The following CNTN4 variants were observed in gnomAD, a reference collection of about 807,000 sequenced individuals.
CNTN4 encodes the protein contactin-4.
Under a neutral mutation model 122.5 loss-of-function variants are expected in CNTN4, and 77 were observed. The observed-to-expected ratio is 0.63, with a 90% CI of 0.52 to 0.76. CNTN4 has a LOEUF of 0.76. CNTN4 is among the 30% of genes least tolerant of loss of function. The pLI, the probability that CNTN4 is intolerant of heterozygous loss-of-function variation, is 0.00. For missense variants in CNTN4, 1,256 were observed against 1,259.1 expected (o/e 1.00, Z 0.04); for synonymous variants, 512 against 447.0 (o/e 1.15, Z -1.83).
At chr3:2,170,079 T>C (rs547876339) in intron 2 of CNTN4, among the ~76,000 whole-genome samples, 164 of 151,908 alleles carry the variant, frequency 1.1e-3, no homozygotes, top group African/African-American at 3.5e-3. Flanking sequence ...CCCAGCACTT[T>C]GGGAGGCCGA....
intron 14 of CNTN4, among the ~76,000 whole-genome samples, chr3:3,015,707 A>G (rs923140603): frequency 5.3e-5 from 8 of 152,176 alleles, no homozygotes; most frequent in Non-Finnish European, 1.2e-4. Flanking sequence ...ATCCTTCCCC[A>G]CATTGCACTG....
chr3:2,515,226 G>A (rs541108262), intron 3 of CNTN4, among the ~76,000 whole-genome samples: 3 of 152,188 alleles, frequency 2.0e-5, no homozygotes, highest in Admixed American at 1.3e-4. Flanking sequence ...AAGTTATGCT[G>A]CATATGTAAG....
chr3:2,497,518 G>A (rs1437026101), intron 3 of CNTN4, among the ~76,000 whole-genome samples: 1 of 152,118 alleles, frequency 6.6e-6, no homozygotes, highest in Non-Finnish European at 1.5e-5. Flanking sequence ...GGCAACCTAG[G>A]GAGACCTAAG....
intron 13 of CNTN4, among the ~76,000 whole-genome samples, chr3:2,977,986 G>A (rs1693586110): frequency 6.6e-6 from 1 of 152,060 alleles, no homozygotes; most frequent in African/African-American, 2.4e-5. Context: ...GCAAGACAAG[G>A]AACACCAAAA....
chr3:2,809,879 TA>T (rs1227553018), intron 6 of CNTN4, among the ~76,000 whole-genome samples: 1 of 152,024 alleles, frequency 6.6e-6, no homozygotes, highest in Non-Finnish European at 1.5e-5. Flanking sequence ...AAGGTCTAGA[TA>T]AAATAGAGTA....
At chr3:2,672,494 T>A (rs984314042) in intron 4 of CNTN4, among the ~76,000 whole-genome samples, 1 of 152,176 alleles carries the variant, frequency 6.6e-6, no homozygotes, top group Non-Finnish European at 1.5e-5. Flanking sequence ...GTGACCCGAT[T>A]TTCCAGGTGC....
chr3:2,473,595 T>A (rs2075755649), intron 3 of CNTN4, among the ~76,000 whole-genome samples: 1 of 152,158 alleles, frequency 6.6e-6, no homozygotes, highest in Non-Finnish European at 1.5e-5. Flanking sequence ...TTGCACCAAT[T>A]TTAGAACATA....
At chr3:2,672,525 G>A (rs572549327) in intron 4 of CNTN4, among the ~76,000 whole-genome samples, 3 of 152,296 alleles carry the variant, frequency 2.0e-5, no homozygotes, top group South Asian at 4.1e-4. Flanking sequence ...CCCTTTCCTT[G>A]GCTAGGAAAG....
At chr3:2,783,089 G>A (rs1246645799) in intron 6 of CNTN4, among the ~76,000 whole-genome samples, 1 of 151,960 alleles carries the variant, frequency 6.6e-6, no homozygotes, top group Non-Finnish European at 1.5e-5. Context: ...GACCAGCCTG[G>A]GCAACACAGT....
At chr3:2,980,827 C>T (rs1693891608) in intron 13 of CNTN4, among the ~76,000 whole-genome samples, 1 of 152,010 alleles carries the variant, frequency 6.6e-6, no homozygotes, top group South Asian at 2.1e-4. Flanking sequence ...TACATGGGGC[C>T]CAAAGATTGG....
At chr3:2,647,360 A>G (rs1300544087) in intron 4 of CNTN4, among the ~76,000 whole-genome samples, 2 of 151,370 alleles carry the variant, frequency 1.3e-5, no homozygotes, top group Admixed American at 6.6e-5. Context: ...CAGCCTGGGC[A>G]ACGAGAGCGA....
intron 4 of CNTN4, among the ~76,000 whole-genome samples, chr3:2,735,677 G>A (rs1163112571): frequency 6.6e-6 from 1 of 152,170 alleles, no homozygotes; most frequent in Non-Finnish European, 1.5e-5. Flanking sequence ...TGAGAATAAA[G>A]ACTGTAGGTT....
chr3:2,798,393 A>ATATC (rs149045973), intron 6 of CNTN4, among the ~76,000 whole-genome samples: 9 of 89,382 alleles, frequency 1.0e-4, no homozygotes, highest in East Asian at 4.2e-4. Context: ...ATCTATCTAT[A>ATATC]TATCTATCTA....
At chr3:2,587,627 A>G (rs1349556549) in intron 4 of CNTN4, among the ~76,000 whole-genome samples, 1 of 151,988 alleles carries the variant, frequency 6.6e-6, no homozygotes. Flanking sequence ...GATTTCTTGT[A>G]CCTCCCTTAT....
chr3:2,322,951 T>C (rs1021313864), intron 2 of CNTN4, among the ~76,000 whole-genome samples: 1 of 152,130 alleles, frequency 6.6e-6, no homozygotes, highest in Non-Finnish European at 1.5e-5. Flanking sequence ...GATGGAATAC[T>C]GGAGGATTAC....
At chr3:2,831,951 A>G (rs1310655638) in intron 7 of CNTN4, among the ~76,000 whole-genome samples, 1 of 152,220 alleles carries the variant, frequency 6.6e-6, no homozygotes, top group Non-Finnish European at 1.5e-5. Flanking sequence ...TTTTAAAAAC[A>G]AAAGGTGGCT....
intron 6 of CNTN4, among the ~76,000 whole-genome samples, chr3:2,761,137 A>G (rs187056704): frequency 6.6e-6 from 1 of 152,214 alleles, no homozygotes; most frequent in African/African-American, 2.4e-5. Context: ...TTCTAAGAAC[A>G]ATGGACACTG....
chr3:2,435,698 A>G (rs35941126), intron 3 of CNTN4, among the ~76,000 whole-genome samples: 35,965 of 152,156 alleles, frequency 0.24, 5,481 homozygotes, highest in Non-Finnish European at 0.35. Flanking sequence ...CAGATAATCT[A>G]TTACATACAA....
chr3:2,627,533 G>T (rs143406711), intron 4 of CNTN4, among the ~76,000 whole-genome samples: 3 of 133,576 alleles, frequency 2.2e-5, no homozygotes, highest in Admixed American at 8.9e-5. Flanking sequence ...TCACTCTGTC[G>T]CCCAGGCTGG....
Sources: gnomAD v4.1 joint callset for allele counts (sites outside exome capture counted in the v4.1 genomes callset) on GRCh38, gnomAD v4.1.1 for gene constraint, MANE v1.5 for transcripts, NCBI Gene and HGNC (gene_info 2026-07-23, HGNC 2026-07-21) for gene names.